Variants in POFUT1 observed in about 807,000 individuals in gnomAD.
POFUT1 encodes protein O-fucosyltransferase 1, also known as GDP-fucose protein O-fucosyltransferase 1.
A neutral mutation model predicts 42.4 loss-of-function variants in POFUT1; 16 were observed. The ratio of observed to expected loss-of-function variants is 0.38; its 90% CI spans 0.26 to 0.57. POFUT1 has a LOEUF of 0.57. Ranked by LOEUF, POFUT1 falls within the 20% of genes least tolerant of loss-of-function variation. The pLI is 0.71. For synonymous variants in POFUT1, 206 were observed against 205.4 expected (o/e 1.00, Z -0.03); for missense variants, 470 against 504.6 (o/e 0.93, Z 0.66).
intron 4 of POFUT1, chr20:32,223,419 C>A: frequency 5.1e-6 from 5 of 985,392 alleles, no homozygotes; most frequent in Non-Finnish European, 6.0e-6. Context: ...TTTGCTGGTC[C>A]AGATCCAGGT....
intron 1 of POFUT1, 148 bp downstream of exon 1, chr20:32,208,213 G>A: frequency 2.4e-6 from 2 of 831,144 alleles, no homozygotes; most frequent in Non-Finnish European, 3.7e-6. Context: ...CTCTGCCTTA[G>A]TTGCAAGGGC....
At chr20:32,221,669 T>C (rs2047391425) in intron 4 of POFUT1, among the ~76,000 whole-genome samples, 1 of 151,518 alleles carries the variant, frequency 6.6e-6, no homozygotes, top group Admixed American at 6.6e-5. Flanking sequence ...GAACCCATGA[T>C]CTGTCCACTG....
chr20:32,227,563 A>G (rs1321310887), intron 4 of POFUT1, among the ~76,000 whole-genome samples: 2 of 152,108 alleles, frequency 1.3e-5, no homozygotes, highest in African/African-American at 4.8e-5. Flanking sequence ...ATATTTACCA[A>G]GCTCTTGGGT....
Position 32,230,846 on chromosome 20 carries a change from G to A in POFUT1, c.763G>A (p.Gly255Arg), listed in dbSNP as rs142835025. 1.3e-4 allele frequency: 210 copies of A among 1,613,982 alleles called. No individual in the cohort carries two copies. Among genetic ancestry groups the A allele is most frequent in the Non-Finnish European group, 1.6e-4 (186 of 1,180,032 alleles). The change falls in exon 6 of 7, where the codon GGG becomes AGG. Residue 255 changes from glycine to arginine, a missense_variant. Coordinates refer to ENST00000375749, the MANE Select transcript of POFUT1 (RefSeq NM_015352.2). ...GAACGCCTGTGCCATGCTGAAGGAC[G>A]GGACTGCAGGCTCGCACTTCATGGC... is the stretch of plus-strand genomic sequence containing the variant. ...WKNACAMLKDGTAGSHFMASP... is the reference protein window; with the variant it reads ...WKNACAMLKDRTAGSHFMASP...
At chr20:32,223,405 G>T (rs1188978671) in intron 4 of POFUT1, 1 of 985,230 alleles carries the variant, frequency 1.0e-6, no homozygotes. Context: ...CACTGGGACA[G>T]CTCTTTGCTG....
intron 2 of POFUT1, among the ~76,000 whole-genome samples, chr20:32,213,181 C>T (rs2047339469): frequency 6.6e-6 from 1 of 152,124 alleles, no homozygotes; most frequent in South Asian, 2.1e-4. Context: ...TGACCGCACC[C>T]AGCCAGAAAT....
Position 32,230,848 on chromosome 20 carries a change from G to A in POFUT1, c.765G>A (p.Gly255=). Residue 255 remains glycine, a synonymous_variant, in exon 6 of 7, where the codon GGG becomes GGA. Coordinates refer to ENST00000375749, the MANE Select transcript of POFUT1 (RefSeq NM_015352.2). ...WKNACAMLKD[G]TAGSHFMASP... ...ACGCCTGTGCCATGCTGAAGGACGG[G>A]ACTGCAGGCTCGCACTTCATGGCCT... 1 of 1,613,994 alleles carries A rather than the reference G, an allele frequency of 6.2e-7. No individual in the cohort carries two copies. The highest frequency in any genetic ancestry group is 1.1e-5 in the South Asian group (1 of 91,084).
Position 32,222,950 on chromosome 20 carries a change from G to T in POFUT1, c.543-5313G>T, listed in dbSNP as rs148187200. The T allele has an allele frequency of 4.7e-4, 459 of 984,700 alleles. 1 individual carries two copies. In the African/African-American group the frequency reaches 7.5e-3, roughly 16 times the overall value. 61.0% of individuals were successfully genotyped at this position (984,700 alleles called of 1,614,324 possible). The stretch of plus-strand genomic sequence containing the variant: ...AGGGAGCCAGCCATGCAGAGAGCTG[G>T]AGGGAAAGGCAGTCCTTCATGGCAG... On this transcript the variant is annotated intron_variant, in intron 4 of 6. Transcript: ENST00000375749.
At position 32,234,547 on chromosome 20, in the gene POFUT1, T is replaced by A. The variant is rs199891312; in HGVS notation, c.1053T>A (p.Ile351=). 1 of 1,614,230 alleles carries A rather than the reference T, an allele frequency of 6.2e-7. No homozygotes were observed. The highest frequency in any genetic ancestry group is 1.7e-5 in the Admixed American group (1 of 60,020). ...TCCTCGGCCAAGCCGACCACTTTAT[T>A]GGCAACTGTGTCTCCTCCTTCACTG... is the stretch of plus-strand genomic sequence containing the variant. ...LYILGQADHF[I]GNCVSSFTAF... The change falls in exon 7 of 7, where the codon ATT becomes ATA. Residue 351 remains isoleucine (I), a synonymous_variant. Transcript: ENST00000375749.
rs2047459993 is a variant in POFUT1 at position 32,234,607 on chromosome 20, G to A, written c.1113G>A (p.Arg371=). ...AGCGGGAGCGGGACCTCCAGGGGAG[G>A]CCGTCTTCTTTCTTCGGCATGGACA... is the stretch of plus-strand genomic sequence containing the variant. The part of the protein sequence containing the change: ...FVKRERDLQG[R]PSSFFGMDRP... The change falls in exon 7 of 7, where the codon AGG becomes AGA. Residue 371 remains arginine (R), a synonymous_variant. Transcript: ENST00000375749. The A allele has an allele frequency of 6.2e-7, 1 of 1,613,884 alleles. No homozygotes were observed. Among genetic ancestry groups the A allele is most frequent in the Non-Finnish European group, 8.5e-7 (1 of 1,179,944 alleles).
intron 4 of POFUT1, among the ~76,000 whole-genome samples, chr20:32,227,271 C>G (rs1168199512): frequency 1.3e-5 from 2 of 152,198 alleles, no homozygotes; most frequent in Admixed American, 6.5e-5. Flanking sequence ...GTAATCCCAA[C>G]ACTGGGAGGC....
rs763234398 is a variant in POFUT1, at chr20:32,207,928, G to A, written c.-14G>A. The A allele has an allele frequency of 3.8e-6, 6 of 1,578,970 alleles. No individual in the cohort carries two copies. The highest frequency in any genetic ancestry group is 5.1e-6 in the Non-Finnish European group (6 of 1,171,402). On this transcript the variant is annotated 5_prime_UTR_variant, in exon 1 of 7. Coordinates refer to ENST00000375749, the MANE Select transcript of POFUT1 (RefSeq NM_015352.2). Reference sequence around the variant, plus strand: ...CGACTGTGCGCCGCGGCTGGCTCGGGTTCCCGGGCCGACATGGGCGCCGCC... The same window carrying A: ...CGACTGTGCGCCGCGGCTGGCTCGGATTCCCGGGCCGACATGGGCGCCGCC...
intron 1 of POFUT1, 145 bp downstream of exon 1, chr20:32,208,210 T>C (rs1173251174): frequency 1.2e-6 from 1 of 852,400 alleles, no homozygotes; most frequent in Non-Finnish European, 1.8e-6. Context: ...CCTCTCTGCC[T>C]TAGTTGCAAG....
chr20:32,208,161 C>T, intron 1 of POFUT1, 96 bp downstream of exon 1: 1 of 1,251,702 alleles, frequency 8.0e-7, no homozygotes, highest in Non-Finnish European at 1.1e-6. Flanking sequence ...TTCACAGGTC[C>T]AGGAGAGAAC....
At chr20:32,220,730 G>A (rs6058557) in intron 4 of POFUT1, among the ~76,000 whole-genome samples, 1,578 of 149,702 alleles carry the variant, frequency 0.011, 30 homozygotes, top group African/African-American at 0.037. Context: ...GCAGCAGAGT[G>A]AAACTGTCTC....
intron 5 of POFUT1, 49 bp from the exon 6 acceptor site, chr20:32,230,770 G>C: frequency 1.9e-6 from 3 of 1,595,840 alleles, no homozygotes; most frequent in Non-Finnish European, 2.6e-6. Flanking sequence ...TTGCTTCTGG[G>C]GTTCCAGGGC....
chr20:32,221,842 CAGA>C (rs1276103006), intron 4 of POFUT1, among the ~76,000 whole-genome samples: 1 of 152,018 alleles, frequency 6.6e-6, no homozygotes, highest in African/African-American at 2.4e-5. Context: ...CTCAGTAAGG[CAGA>C]AGAAGTTTGT....
intron 4 of POFUT1, chr20:32,223,524 G>A: frequency 2.0e-6 from 2 of 985,258 alleles, no homozygotes; most frequent in Non-Finnish European, 1.2e-6. Flanking sequence ...GCAGATCCTG[G>A]TTTTATCCTG....
At position 32,236,678 on chromosome 20, in the gene POFUT1, A is replaced by G. The variant is rs955478383; in HGVS notation, c.*2017A>G. The stretch of plus-strand genomic sequence containing the variant: ...AAGGCCCAGATCAGCTAAAGCATGT[A>G]TATAAGAGCACGTTGTAAACTTGAA... On this transcript the variant is annotated 3_prime_UTR_variant, in exon 7 of 7. Coordinates refer to ENST00000375749, the MANE Select transcript of POFUT1 (RefSeq NM_015352.2). The G allele has an allele frequency of 6.6e-6, 1 of 152,246 alleles. No homozygotes were observed. The highest frequency in any genetic ancestry group is 1.5e-5 in the Non-Finnish European group (1 of 68,050). 9.4% of individuals were successfully genotyped at this position (152,246 alleles called of 1,614,324 possible).
Sources: gnomAD v4.1 joint callset for allele counts (sites outside exome capture counted in the v4.1 genomes callset) on GRCh38, gnomAD v4.1.1 for gene constraint, MANE v1.5 for transcripts, NCBI Gene and HGNC (gene_info 2026-07-23, HGNC 2026-07-21) for gene names.